The following ANK1 variants were observed in gnomAD, a reference collection of about 807,000 sequenced individuals.
The protein encoded by ANK1 is ankyrin 1, also known as ankyrin-1.
Under a neutral mutation model 210.4 loss-of-function variants are expected in ANK1, and 51 were observed. That is an observed-to-expected ratio of 0.24 (90% CI 0.19 to 0.31). The LOEUF (loss-of-function observed/expected upper bound fraction) is 0.31, where lower values mean the gene tolerates loss of function less well. ANK1 is among the 10% of genes least tolerant of loss of function. The pLI, the probability that ANK1 is intolerant of heterozygous loss-of-function variation, is 1.00. For missense variants in ANK1, 2,051 were observed against 2,504.4 expected, an observed-to-expected ratio of 0.82 and a Z score of 3.86; for synonymous variants, 967 against 1,025.9, an observed-to-expected ratio of 0.94 and a Z score of 1.10.
intron 1 of ANK1, among the ~76,000 whole-genome samples, chr8:41,858,937 G>T (rs73626646): frequency 0.028 from 4,271 of 152,340 alleles, 225 homozygotes; most frequent in African/African-American, 0.098. Context: ...GAGGGACTCA[G>T]CTCAGGAAGG....
At chr8:41,783,388 C>T (rs10096102) in intron 1 of ANK1, among the ~76,000 whole-genome samples, 92,534 of 152,002 alleles carry the variant, frequency 0.61, 28,530 homozygotes, top group East Asian at 0.81. Flanking sequence ...CACCCTTTCC[C>T]GGGTCCTTCC....
chr8:41,813,928 T>C (rs1212205879), intron 1 of ANK1, among the ~76,000 whole-genome samples: 9 of 152,244 alleles, frequency 5.9e-5, no homozygotes, highest in South Asian at 2.1e-4. Context: ...TCAACCTTAG[T>C]TCCTTAAAGT....
At chr8:41,783,520 T>C (rs536457279) in intron 1 of ANK1, among the ~76,000 whole-genome samples, 1 of 152,300 alleles carries the variant, frequency 6.6e-6, no homozygotes, top group Admixed American at 6.5e-5. Context: ...CTCCCAGGCA[T>C]GCAGAAAGAC....
chr8:41,689,661 C>G (rs551308708), intron 33 of ANK1, among the ~76,000 whole-genome samples: 39 of 152,292 alleles, frequency 2.6e-4, no homozygotes, highest in African/African-American at 8.9e-4. Flanking sequence ...CTGGGATACT[C>G]TTACAGGTAT....
At chr8:41,853,296 A>G (rs942613641) in intron 1 of ANK1, among the ~76,000 whole-genome samples, 10 of 152,218 alleles carry the variant, frequency 6.6e-5, no homozygotes, top group African/African-American at 2.4e-4. Flanking sequence ...CTCTACAAAA[A>G]TGTCTGGCAA....
At chr8:41,842,060 CT>C (rs1195641509) in intron 1 of ANK1, among the ~76,000 whole-genome samples, 3 of 152,200 alleles carry the variant, frequency 2.0e-5, no homozygotes, top group African/African-American at 7.2e-5. Context: ...GTAGAGACAC[CT>C]TGGCTGGAAG....
At chr8:41,781,383 G>A (rs1361079994) in intron 1 of ANK1, among the ~76,000 whole-genome samples, 1 of 152,218 alleles carries the variant, frequency 6.6e-6, no homozygotes, top group Non-Finnish European at 1.5e-5. Context: ...AGGCAATTCC[G>A]AGAGACGCCT....
At chr8:41,794,739 C>T (rs1848426040) in intron 1 of ANK1, among the ~76,000 whole-genome samples, 1 of 152,200 alleles carries the variant, frequency 6.6e-6, no homozygotes, top group Admixed American at 6.5e-5. Flanking sequence ...GAGTCTCACT[C>T]TGTCACCCAG....
intron 1 of ANK1, among the ~76,000 whole-genome samples, chr8:41,865,071 G>A (rs775160725): frequency 1.3e-5 from 2 of 152,156 alleles, no homozygotes; most frequent in East Asian, 1.9e-4. Flanking sequence ...TAGGGTCTGC[G>A]AGCATCCAGT....
chr8:41,767,321 C>G (rs903966326), intron 1 of ANK1, among the ~76,000 whole-genome samples: 1 of 150,426 alleles, frequency 6.6e-6, no homozygotes, highest in African/African-American at 2.4e-5. Context: ...GCCGGGCAAC[C>G]GCGACAGCTC....
At chr8:41,668,147 T>G in intron 39 of ANK1, 120 bp downstream of exon 39, 1 of 1,383,582 alleles carries the variant, frequency 7.2e-7, no homozygotes, top group Non-Finnish European at 1.0e-6. Context: ...CCACCACAAG[T>G]GTTAAAGGAA....
Position 41,797,281 on chromosome 8 carries a change from A to C in ANK1, c.27+231T>G, listed in dbSNP as rs1187440099. 6.6e-6 allele frequency among the ~76,000 whole-genome samples: 1 copy of C among 152,262 alleles called. No homozygotes were observed. Among genetic ancestry groups the C allele is most frequent in the African/African-American group, 2.4e-5 (1 of 41,464 alleles). On this transcript the variant is annotated intron_variant, in intron 1 of 42. Transcript: ENST00000289734. This position sits in a 1 kb window ranked among gnomAD's most constrained non-coding sequence, Gnocchi z 4.0. The stretch of plus-strand genomic sequence containing the variant: ...GTAGTTGGAACTCAATTTGACAGCA[A>C]ATCTCTGGATGTAAAAAATATGAAA...
intron 1 of ANK1, among the ~76,000 whole-genome samples, chr8:41,786,109 T>C (rs999819520): frequency 6.6e-6 from 1 of 152,240 alleles, no homozygotes; most frequent in African/African-American, 2.4e-5. Flanking sequence ...CAGGTTCCTT[T>C]TGGCGCGGTT....
chr8:41,868,381 C>T (rs1000061548), intron 1 of ANK1, among the ~76,000 whole-genome samples: 1 of 152,160 alleles, frequency 6.6e-6, no homozygotes, highest in Non-Finnish European at 1.5e-5. Context: ...GCCAAATGTC[C>T]CCTGGGGCGG....
intron 1 of ANK1, among the ~76,000 whole-genome samples, chr8:41,780,868 A>G (rs1007860870): frequency 9.9e-5 from 15 of 150,922 alleles, no homozygotes; most frequent in African/African-American, 3.4e-4. Flanking sequence ...AGACAAAGAA[A>G]CCAAGAGTGG....
chr8:41,810,679 G>A (rs1238622095), intron 1 of ANK1, among the ~76,000 whole-genome samples: 2 of 152,220 alleles, frequency 1.3e-5, no homozygotes, highest in Non-Finnish European at 2.9e-5. Flanking sequence ...CCGCCGAAGC[G>A]TAATAGCCCG....
chr8:41,891,716 A>G (rs1378644637), intron 1 of ANK1, among the ~76,000 whole-genome samples: 1 of 152,196 alleles, frequency 6.6e-6, no homozygotes, highest in Non-Finnish European at 1.5e-5. Context: ...CCACATCTTC[A>G]GCCCCTGCCG....
chr8:41,747,996 G>C (rs1473221197), intron 2 of ANK1, among the ~76,000 whole-genome samples: 1 of 152,188 alleles, frequency 6.6e-6, no homozygotes, highest in East Asian at 1.9e-4. Context: ...GGCTTGGGCT[G>C]GGTGTCTCAG....
At chr8:41,812,947 A>G (rs184485172) in intron 1 of ANK1, among the ~76,000 whole-genome samples, 1 of 152,266 alleles carries the variant, frequency 6.6e-6, no homozygotes, top group Admixed American at 6.5e-5. Flanking sequence ...CTGGTTCCTA[A>G]CAGGCCCCGG....
Sources: gnomAD v4.1 joint callset for allele counts (sites outside exome capture counted in the v4.1 genomes callset) on GRCh38, gnomAD v4.1.1 for gene constraint, Gnocchi (gnomAD v3.1) non-coding constraint, MANE v1.5 for transcripts, NCBI Gene and HGNC (gene_info 2026-07-23, HGNC 2026-07-21) for gene names.